Variants in FSTL5 observed in about 807,000 individuals in gnomAD.
FSTL5 encodes follistatin-related protein 5.
A neutral mutation model predicts 89.1 loss-of-function variants in FSTL5; 62 were observed. The ratio of observed to expected loss-of-function variants is 0.70; its 90% CI spans 0.57 to 0.86. The LOEUF (loss-of-function observed/expected upper bound fraction) is 0.86, where lower values mean the gene tolerates loss of function less well. Ranked by LOEUF, FSTL5 falls within the 40% of genes least tolerant of loss-of-function variation. The pLI is 0.00. For synonymous variants in FSTL5, 383 were observed against 346.2 expected, an observed-to-expected ratio of 1.11 and a Z score of -1.18; for missense variants, 1,057 against 1,001.6, an observed-to-expected ratio of 1.06 and a Z score of -0.75.
intron 6 of FSTL5, among the ~76,000 whole-genome samples, chr4:161,708,202 T>C (rs1165386546): frequency 6.6e-6 from 1 of 152,064 alleles, no homozygotes; most frequent in East Asian, 1.9e-4. Context: ...AAGTCTTCTC[T>C]ATCATGTTTT....
intron 7 of FSTL5, among the ~76,000 whole-genome samples, chr4:161,634,545 T>C (rs1396612570): frequency 1.3e-5 from 2 of 152,190 alleles, no homozygotes; most frequent in Non-Finnish European, 2.9e-5. Context: ...TATTAAATGA[T>C]AGGTTATCCA....
chr4:161,734,083 T>C (rs1044918546), intron 6 of FSTL5, among the ~76,000 whole-genome samples: 3 of 152,122 alleles, frequency 2.0e-5, no homozygotes. Flanking sequence ...AATGAGAAAG[T>C]ATGAAAAGAT....
At chr4:161,972,966 A>C (rs879660317) in intron 3 of FSTL5, among the ~76,000 whole-genome samples, 1 of 152,220 alleles carries the variant, frequency 6.6e-6, no homozygotes, top group Non-Finnish European at 1.5e-5. Flanking sequence ...AACTGCATAC[A>C]CTGCTTAAAA....
intron 12 of FSTL5, among the ~76,000 whole-genome samples, chr4:161,492,310 T>G (rs1323271271): frequency 4.6e-5 from 7 of 152,028 alleles, no homozygotes. Flanking sequence ...AGTGCACGAG[T>G]GATAGTTTGG....
At chr4:161,611,861 T>A (rs1560978582) in intron 7 of FSTL5, among the ~76,000 whole-genome samples, 1 of 152,038 alleles carries the variant, frequency 6.6e-6, no homozygotes, top group Non-Finnish European at 1.5e-5. Context: ...CAAACTCTAA[T>A]CCCCAAAAGG....
At chr4:161,500,188 A>G (rs1730248854) in intron 11 of FSTL5, 54 bp from the exon 12 acceptor site, 12 of 1,214,748 alleles carry the variant, frequency 9.9e-6, no homozygotes, top group Non-Finnish European at 1.2e-5. Flanking sequence ...ATAAACCTTT[A>G]CAACCAAAAT....
At chr4:161,721,044 T>C (rs866053586) in intron 6 of FSTL5, among the ~76,000 whole-genome samples, 31 of 151,968 alleles carry the variant, frequency 2.0e-4, no homozygotes, top group Admixed American at 7.2e-4. Context: ...TTTGGGAGGC[T>C]GAGGCGGGTG....
intron 2 of FSTL5, among the ~76,000 whole-genome samples, chr4:162,056,121 GA>G (rs1578991820): frequency 6.6e-6 from 1 of 151,816 alleles, no homozygotes; most frequent in African/African-American, 2.4e-5. Flanking sequence ...TTAATGATGT[GA>G]AAAGACAAGC....
rs113826292 is a variant in FSTL5 at position 161,843,776 on chromosome 4, T to C, written c.410-67702A>G. 4.7e-3 allele frequency among the ~76,000 whole-genome samples: 708 copies of C among 152,160 alleles called. 8 individuals are homozygous for C. Among genetic ancestry groups the C allele is most frequent in the African/African-American group, 0.016 (644 of 41,520 alleles). On this transcript the variant is annotated intron_variant, in intron 4 of 15. Coordinates refer to ENST00000306100, the MANE Select transcript of FSTL5 (RefSeq NM_020116.5). ...CTGAAACTGGCCCCTTCCTTACACC[T>C]TTTACAAAAATTAACTCAAGATGGA...
intron 8 of FSTL5, among the ~76,000 whole-genome samples, chr4:161,551,957 A>C (rs905255718): frequency 6.6e-6 from 1 of 152,038 alleles, no homozygotes; most frequent in Non-Finnish European, 1.5e-5. Flanking sequence ...CACCAAAAGC[A>C]ATGGCAACAA....
chr4:161,698,706 T>C (rs1738274150), intron 6 of FSTL5, among the ~76,000 whole-genome samples: 1 of 152,096 alleles, frequency 6.6e-6, no homozygotes, highest in Non-Finnish European at 1.5e-5. Flanking sequence ...AGGCGGGTGA[T>C]CACCTAATGT....
intron 15 of FSTL5, among the ~76,000 whole-genome samples, chr4:161,415,266 C>CT (rs1560883677): frequency 1.3e-5 from 2 of 151,776 alleles, no homozygotes; most frequent in Non-Finnish European, 2.9e-5. Flanking sequence ...TTTTGGTTTT[C>CT]TTTTTTTGAG....
chr4:161,788,310 T>C (rs551151173), intron 4 of FSTL5, among the ~76,000 whole-genome samples: 58 of 152,318 alleles, frequency 3.8e-4, no homozygotes, highest in African/African-American at 1.4e-3. Context: ...CTATACATTA[T>C]TGCTGACTAT....
intron 4 of FSTL5, among the ~76,000 whole-genome samples, chr4:161,893,244 G>A (rs1451748234): frequency 6.6e-6 from 1 of 152,052 alleles, no homozygotes; most frequent in Non-Finnish European, 1.5e-5. Context: ...CCATTTGGAT[G>A]GCAAGGACCT....
chr4:161,558,228 A>G (rs1289348197), intron 8 of FSTL5, among the ~76,000 whole-genome samples: 5 of 151,866 alleles, frequency 3.3e-5, no homozygotes, highest in Middle Eastern at 3.2e-3. Flanking sequence ...AGTGGCTGTC[A>G]GCAGTTAATG....
chr4:161,418,921 T>C (rs1731884343), intron 15 of FSTL5, among the ~76,000 whole-genome samples: 2 of 152,220 alleles, frequency 1.3e-5, no homozygotes, highest in Non-Finnish European at 2.9e-5. Flanking sequence ...ATTTCATTCT[T>C]GTTTTTAAGC....
chr4:161,420,950 A>G (rs1281285472), intron 15 of FSTL5, among the ~76,000 whole-genome samples: 1 of 151,920 alleles, frequency 6.6e-6, no homozygotes, highest in African/African-American at 2.4e-5. Flanking sequence ...AGATTAATAT[A>G]GTTGGCATTA....
At chr4:161,518,203 C>T (rs1005011360) in intron 10 of FSTL5, among the ~76,000 whole-genome samples, 2 of 152,128 alleles carry the variant, frequency 1.3e-5, no homozygotes, top group African/African-American at 2.4e-5. Context: ...GCTGCAGTGC[C>T]CAGCTTACAT....
At chr4:161,766,097 A>C (rs1740989203) in intron 5 of FSTL5, among the ~76,000 whole-genome samples, 1 of 152,130 alleles carries the variant, frequency 6.6e-6, no homozygotes, top group Non-Finnish European at 1.5e-5. Context: ...CCAGCTCCTA[A>C]TATGCATTTT....
Sources: allele counts gnomAD v4.1 joint callset (sites outside exome capture counted in the v4.1 genomes callset), GRCh38; gene constraint gnomAD v4.1.1; transcripts MANE v1.5; gene names NCBI Gene and HGNC (gene_info 2026-07-23, HGNC 2026-07-21).